CDH12: variants seen among roughly 807,000 people sequenced by gnomAD.
CDH12 encodes cadherin-12.
A neutral mutation model predicts 74.1 loss-of-function variants in CDH12; 41 were observed. The observed-to-expected ratio is 0.55, with a 90% CI of 0.43 to 0.72. The LOEUF is 0.72. CDH12 is among the 30% of genes least tolerant of loss of function. The pLI is 0.00. For missense variants in CDH12, 945 were observed against 977.2 expected, an observed-to-expected ratio of 0.97 and a Z score of 0.44; for synonymous variants, 399 against 355.0, an observed-to-expected ratio of 1.12 and a Z score of -1.39.
chr5:22,177,091 G>A (rs150804807), intron 4 of CDH12, among the ~76,000 whole-genome samples: 1 of 152,016 alleles, frequency 6.6e-6, no homozygotes, highest in Non-Finnish European at 1.5e-5. Context: ...TTGCTTCACT[G>A]AATGTAAATG....
rs552336373 is a variant in CDH12 at position 22,265,772 on chromosome 5, C to T, written c.-332-53129G>A. 2.0e-5 allele frequency among the ~76,000 whole-genome samples: 3 copies of T among 152,136 alleles called. No individual in the cohort carries two copies. In the South Asian group the frequency reaches 6.2e-4, roughly 32 times the overall value. ...CCACTCAAAAGAAGTGCTTCCCATTCTTAAGGAGTCCTAAGATAATATAAG... is the reference window on the plus strand; with the variant it reads ...CCACTCAAAAGAAGTGCTTCCCATTTTTAAGGAGTCCTAAGATAATATAAG... On this transcript the variant is annotated intron_variant, in intron 3 of 14. Coordinates refer to ENST00000382254, the MANE Select transcript of CDH12 (RefSeq NM_004061.5).
chr5:21,797,485 G>C (rs865836720), intron 10 of CDH12, among the ~76,000 whole-genome samples: 5 of 152,028 alleles, frequency 3.3e-5, no homozygotes, highest in Admixed American at 6.6e-5. Context: ...TTCACTCCAA[G>C]GACATGGAAC....
intron 9 of CDH12, among the ~76,000 whole-genome samples, chr5:21,803,008 T>A (rs9292994): frequency 0.014 from 2,128 of 152,244 alleles, 41 homozygotes; most frequent in African/African-American, 0.047. Context: ...CTTAATCATT[T>A]TATATGAGCA....
At chr5:22,798,399 T>A (rs956053702) in intron 1 of CDH12, among the ~76,000 whole-genome samples, 2 of 152,162 alleles carry the variant, frequency 1.3e-5, no homozygotes, top group Non-Finnish European at 2.9e-5. Flanking sequence ...ATATATTTTT[T>A]AAATTTTACA....
intron 3 of CDH12, among the ~76,000 whole-genome samples, chr5:22,394,514 A>G (rs971389094): frequency 1.3e-5 from 2 of 152,158 alleles, no homozygotes; most frequent in Non-Finnish European, 1.5e-5. Flanking sequence ...GGGTGTAGAA[A>G]CTAAAGCAGA....
chr5:21,798,448 T>G (rs1451570525), intron 10 of CDH12, among the ~76,000 whole-genome samples: 1 of 152,180 alleles, frequency 6.6e-6, no homozygotes, highest in East Asian at 1.9e-4. Context: ...TTATTTCTTT[T>G]TAAAAGACAG....
At chr5:22,522,258 T>C (rs1348368947) in intron 1 of CDH12, among the ~76,000 whole-genome samples, 1 of 152,148 alleles carries the variant, frequency 6.6e-6, no homozygotes, top group Non-Finnish European at 1.5e-5. Context: ...AGTAGAAGTA[T>C]GGATTAGGAA....
chr5:22,710,733 G>A (rs1171774444), intron 1 of CDH12, among the ~76,000 whole-genome samples: 2 of 152,008 alleles, frequency 1.3e-5, no homozygotes, highest in Non-Finnish European at 2.9e-5. Context: ...ACAATTAGTT[G>A]GTCTTTTGCT....
At position 22,491,062 on chromosome 5, in the gene CDH12, T is replaced by C. The variant is rs138779729; in HGVS notation, c.-428+14208A>G. On this transcript the variant is annotated intron_variant, in intron 2 of 14. Transcript: ENST00000382254. The stretch of plus-strand genomic sequence containing the variant: ...GCATAGGTATATTGCACGACACTGA[T>C]GTTTGTGCTTCTAATGATCCCATCA... 6.2e-3 allele frequency among the ~76,000 whole-genome samples: 949 copies of C among 152,310 alleles called. 6 individuals carry two copies. The highest frequency in any genetic ancestry group is 0.01 in the Non-Finnish European group (708 of 68,030).
intron 1 of CDH12, among the ~76,000 whole-genome samples, chr5:22,837,644 G>C (rs897893475): frequency 2.6e-5 from 4 of 152,122 alleles, no homozygotes; most frequent in African/African-American, 9.6e-5. Flanking sequence ...CATTCTGGAT[G>C]AATTGAAGTG....
At chr5:22,828,519 C>T (rs1468784798) in intron 1 of CDH12, among the ~76,000 whole-genome samples, 2 of 152,248 alleles carry the variant, frequency 1.3e-5, no homozygotes, top group East Asian at 3.9e-4. Context: ...GGATAGTTAA[C>T]AACCTGAAAT....
At chr5:21,921,473 A>G (rs16899347) in intron 6 of CDH12, among the ~76,000 whole-genome samples, 33,044 of 152,054 alleles carry the variant, frequency 0.22, 5,175 homozygotes, top group African/African-American at 0.44. Context: ...TTTATTTGCT[A>G]CTGATGGTTG....
intron 4 of CDH12, among the ~76,000 whole-genome samples, chr5:22,123,332 T>C (rs1745635134): frequency 6.6e-6 from 1 of 152,182 alleles, no homozygotes. Flanking sequence ...TCCAGTGCTG[T>C]GAGAAATAAA....
chr5:22,441,744 G>A (rs957067070), intron 2 of CDH12, among the ~76,000 whole-genome samples: 13 of 151,848 alleles, frequency 8.6e-5, no homozygotes, highest in Middle Eastern at 3.4e-3. Flanking sequence ...TTGCTCTGTC[G>A]CCCAGGCTGG....
chr5:22,460,846 G>A (rs895659693), intron 2 of CDH12, among the ~76,000 whole-genome samples: 5 of 144,154 alleles, frequency 3.5e-5, no homozygotes, highest in Admixed American at 2.2e-4. Context: ...TTGATCCCCC[G>A]AGTAGCTGGG....
chr5:21,792,806 G>A (rs377551344), intron 10 of CDH12, among the ~76,000 whole-genome samples: 3 of 151,394 alleles, frequency 2.0e-5, no homozygotes, highest in Non-Finnish European at 3.0e-5. Context: ...TTTACTCTGC[G>A]GACACCTTGA....
chr5:22,833,366 A>T (rs1736699837), intron 1 of CDH12, among the ~76,000 whole-genome samples: 2 of 152,326 alleles, frequency 1.3e-5, no homozygotes, highest in South Asian at 4.1e-4. Context: ...TTCAGTGAAG[A>T]TGCCTTACAG....
At chr5:22,576,234 C>G (rs1211507111) in intron 1 of CDH12, among the ~76,000 whole-genome samples, 1 of 152,152 alleles carries the variant, frequency 6.6e-6, no homozygotes, top group African/African-American at 2.4e-5. Flanking sequence ...ATGCGCAGTC[C>G]TGCTTTGAAG....
intron 2 of CDH12, among the ~76,000 whole-genome samples, chr5:22,437,053 A>T (rs1744426330): frequency 6.6e-6 from 1 of 152,114 alleles, no homozygotes; most frequent in Non-Finnish European, 1.5e-5. Context: ...CTAGAAAATA[A>T]GATTTAACTT....
Sources: gnomAD v4.1 joint callset for allele counts (sites outside exome capture counted in the v4.1 genomes callset) on GRCh38, gnomAD v4.1.1 for gene constraint, MANE v1.5 for transcripts, NCBI Gene and HGNC (gene_info 2026-07-23, HGNC 2026-07-21) for gene names.